Variants in AGAP4 observed in about 807,000 individuals in gnomAD.
AGAP4 encodes the protein arf-GAP with GTPase, ANK repeat and PH domain-containing protein 4.
AGAP4 carries 13 observed loss-of-function variants against 60.7 expected under a neutral mutation model. The observed-to-expected ratio is 0.21, with a 90% confidence interval of 0.14 to 0.34. AGAP4 has a LOEUF of 0.34. Ranked by LOEUF, AGAP4 falls within the 10% of genes least tolerant of loss-of-function variation. The pLI is 1.00. For synonymous variants in AGAP4, 70 were observed against 339.0 expected, an observed-to-expected ratio of 0.21 and a Z score of 8.72; for missense variants, 169 against 884.0, an observed-to-expected ratio of 0.19 and a Z score of 10.26.
intron 3 of AGAP4, among the ~76,000 whole-genome samples, chr10:45,843,279 A>T (rs2058948608): frequency 2.6e-5 from 1 of 38,228 alleles, no homozygotes; most frequent in Admixed American, 2.9e-4. Flanking sequence ...CCTGGGCAAC[A>T]GAGTGAGACT....
chr10:45,835,932 C>G (rs2058809868), intron 4 of AGAP4, among the ~76,000 whole-genome samples: 2 of 151,884 alleles, frequency 1.3e-5, no homozygotes, highest in African/African-American at 2.4e-5. Context: ...ACTCTAACGT[C>G]AGGCAGCATA....
upstream of AGAP4, among the ~76,000 whole-genome samples, chr10:45,851,546 T>C (rs2059084095): frequency 2.0e-5 from 3 of 151,038 alleles, no homozygotes; most frequent in Admixed American, 6.6e-5. Flanking sequence ...GAACTGGAGG[T>C]GAGAAAACAA....
intron 1 of AGAP4, 43 bp downstream of exon 1, chr10:45,847,081 GC>G (rs2059011244): frequency 6.3e-7 from 1 of 1,597,534 alleles, no homozygotes; most frequent in African/African-American, 1.3e-5. Flanking sequence ...GACAGTAGCA[GC>G]CAGAGGCAAA....
chr10:45,825,639 T>A lies in AGAP4; in HGVS notation c.*276A>T, dbSNP rs1340122452. 2 of 475,414 alleles carry A rather than the reference T, an allele frequency of 4.2e-6. No homozygotes were observed. Among genetic ancestry groups the A allele is most frequent in the Admixed American group, 3.7e-5 (1 of 27,020 alleles). The allele number at this position is 475,414 out of a possible 1,614,324, so 29.4% of individuals were successfully genotyped here. A position where few individuals can be genotyped will look rare whatever the true frequency, so the allele number is the denominator to read the frequency against. ...TATGAACTTTATTTCAAATATATTT[T>A]CACACATTTTATCTAAATACATAAT... On this transcript the variant is annotated 3_prime_UTR_variant, in exon 8 of 8. Coordinates refer to ENST00000616763, the MANE Select transcript of AGAP4 (RefSeq NM_001276343.3).
chr10:45,833,512 GGTT>G lies in AGAP4; in HGVS notation c.497+501_497+503del, dbSNP rs1324918228. ...CCCCTGTGGAGCTGGTGGTGGTGTT[GGTT>G]GTTGTTCCTTTTAAAATAAACTTCA... On this transcript the variant is annotated intron_variant, in intron 5 of 7. Coordinates refer to ENST00000616763, the MANE Select transcript of AGAP4 (RefSeq NM_001276343.3). Among the ~76,000 whole-genome samples, 9 of 146,554 alleles carry G rather than the reference GGTT, an allele frequency of 6.1e-5. No homozygotes were observed. The East Asian group carries it at 1.8e-3, about 30-fold the overall frequency.
Position 45,834,025 on chromosome 10 carries a change from G to T in AGAP4, c.488C>A (p.Thr163Lys). ...STAIQHYLTMTIISVTLEIPH... is the reference protein window; with the variant it reads ...STAIQHYLTMKIISVTLEIPH... ...GCATAGTTGTACTCACGATATTATT[G>T]TCATTGTAAGATAATGCTGGATGGC... Residue 163 changes from threonine (T) to lysine (K), a missense_variant, in exon 5 of 8, where the codon ACA becomes AAA. By Grantham distance (78) the Thr-to-Lys change is moderately conservative (BLOSUM62 -1). Transcript: ENST00000616763. 1.3e-6 allele frequency: 2 copies of T among 1,582,334 alleles called. No homozygotes were observed. The highest frequency in any genetic ancestry group is 1.1e-5 in the South Asian group (1 of 89,798).
chr10:45,834,511 T>TA (rs1554897523), intron 4 of AGAP4, among the ~76,000 whole-genome samples: 2 of 123,394 alleles, frequency 1.6e-5, no homozygotes, highest in African/African-American at 7.2e-5. Context: ...CCGTCTCTAC[T>TA]AAAAATACAA....
chr10:45,853,020 T>C (rs1279484269), intron 1 of AGAP4, among the ~76,000 whole-genome samples: 47 of 152,078 alleles, frequency 3.1e-4, no homozygotes, highest in Non-Finnish European at 1.2e-4. Flanking sequence ...AATAAAGTTT[T>C]ACAACCCTTT....
At chr10:45,843,286 G>A (rs1216092454) in intron 3 of AGAP4, among the ~76,000 whole-genome samples, 20 of 13,136 alleles carry the variant, frequency 1.5e-3, no homozygotes, top group African/African-American at 4.4e-3. Flanking sequence ...AACAGAGTGA[G>A]ACTCCATTTC....
At chr10:45,843,304 A>AAAAG in intron 3 of AGAP4, among the ~76,000 whole-genome samples, 1 of 24,558 alleles carries the variant, frequency 4.1e-5, no homozygotes. Context: ...TTCAAAAAAA[A>AAAAG]AAAAAAAGAG....
chr10:45,851,489 GT>G (rs2059083528), upstream of AGAP4, among the ~76,000 whole-genome samples: 23 of 152,022 alleles, frequency 1.5e-4, no homozygotes, highest in African/African-American at 5.6e-4. Flanking sequence ...TTGGGCTTGT[GT>G]GTGTGTGTGT....
intron 5 of AGAP4, among the ~76,000 whole-genome samples, chr10:45,831,814 C>T (rs1309233601): frequency 7.6e-6 from 1 of 131,574 alleles, no homozygotes; most frequent in Admixed American, 7.9e-5. Context: ...ATCTTGACTC[C>T]TCACAACCTC....
rs1274649618 is a variant in AGAP4, at chr10:45,832,021, T to A, written c.498-592A>T. On this transcript the variant is annotated intron_variant, in intron 5 of 7. Transcript: ENST00000616763. ...GCCTCCCAGGTTCAAGAGATTCTCCTGCCTCAGCCTCCCAAGTGGCTGGGA... is the reference window on the plus strand; with the variant it reads ...GCCTCCCAGGTTCAAGAGATTCTCCAGCCTCAGCCTCCCAAGTGGCTGGGA... Among the ~76,000 whole-genome samples the A allele has an allele frequency of 1.0e-4, 14 of 137,564 alleles. 2 individuals are homozygous for A. The highest frequency in any genetic ancestry group is 3.7e-4 in the African/African-American group (14 of 37,512). The allele number at this position is 137,564 out of a possible 152,430, so 90.2% of individuals were successfully genotyped here.
At chr10:45,838,268 A>G (rs1457187771) in intron 4 of AGAP4, among the ~76,000 whole-genome samples, 54 of 151,120 alleles carry the variant, frequency 3.6e-4, no homozygotes, top group African/African-American at 1.3e-3. Flanking sequence ...TAAGAATGAT[A>G]CAATGGACTT....
intron 1 of AGAP4, chr10:45,853,591 T>G (rs1228914942): frequency 7.8e-7 from 1 of 1,275,616 alleles, no homozygotes; most frequent in Non-Finnish European, 1.0e-6. Context: ...CAATTATCAT[T>G]CTACACACAG....
At chr10:45,853,911 G>A, upstream of AGAP4, 1 of 1,185,944 alleles carries the variant, frequency 8.4e-7, no homozygotes, top group Non-Finnish European at 1.1e-6. Flanking sequence ...CCAGGCAGCA[G>A]TAGTTGTTAT....
intron 3 of AGAP4, among the ~76,000 whole-genome samples, chr10:45,843,858 G>C (rs1253540866): frequency 6.7e-6 from 1 of 149,776 alleles, no homozygotes; most frequent in Non-Finnish European, 1.5e-5. Context: ...AAATGAATGT[G>C]GTCAGAGGAC....
At chr10:45,854,069 G>A (rs2059113435), upstream of AGAP4, 4 of 321,138 alleles carry the variant, frequency 1.2e-5, no homozygotes, top group African/African-American at 2.2e-5. Context: ...CAATAGCTAC[G>A]ACCTGGGGCT....
At chr10:45,839,954 G>A (rs1399748389) in intron 4 of AGAP4, among the ~76,000 whole-genome samples, 30 of 149,492 alleles carry the variant, frequency 2.0e-4, no homozygotes, top group Admixed American at 1.9e-3. Context: ...AATACAAGGG[G>A]AAAAATTAAA....
Sources: gnomAD v4.1 joint callset for allele counts (sites outside exome capture counted in the v4.1 genomes callset) on GRCh38, gnomAD v4.1.1 for gene constraint, MANE v1.5 for transcripts, NCBI Gene and HGNC (gene_info 2026-07-23, HGNC 2026-07-21) for gene names.